ZYG11B: variants seen among roughly 807,000 people sequenced by gnomAD.
The protein encoded by ZYG11B is protein zyg-11 homolog B.
In ZYG11B, 36 loss-of-function variants were observed where a neutral mutation model predicts 82.4. The observed-to-expected ratio is 0.44, with a 90% CI of 0.33 to 0.58. The LOEUF (loss-of-function observed/expected upper bound fraction) is 0.58, where lower values mean the gene tolerates loss of function less well. Ranked by LOEUF, ZYG11B falls within the 20% of genes least tolerant of loss-of-function variation. ZYG11B has a pLI of 0.02. For synonymous variants in ZYG11B, 303 were observed against 312.8 expected, an observed-to-expected ratio of 0.97 and a Z score of 0.33; for missense variants, 552 against 895.6, an observed-to-expected ratio of 0.62 and a Z score of 4.90.
At chr1:52,776,227 A>ATATATATATATAT (rs1553260249) in intron 3 of ZYG11B, among the ~76,000 whole-genome samples, 6 of 2,918 alleles carry the variant, frequency 2.1e-3, no homozygotes, top group Non-Finnish European at 3.0e-3. Flanking sequence ...CTTAAAAAAA[A>ATATATATATATAT]AAATATATAT....
chr1:52,766,387 A>AC (rs1240394010), intron 2 of ZYG11B, among the ~76,000 whole-genome samples: 2 of 147,446 alleles, frequency 1.4e-5, no homozygotes, highest in Non-Finnish European at 3.0e-5. Flanking sequence ...CCAAAGTGCC[A>AC]CCGCGCCTGG....
At chr1:52,812,831 A>ACTCT (rs1645195004) in intron 10 of ZYG11B, among the ~76,000 whole-genome samples, 1 of 150,866 alleles carries the variant, frequency 6.6e-6, no homozygotes, top group Non-Finnish European at 1.5e-5. Flanking sequence ...GGTTTAGGTG[A>ACTCT]CTCTCGTGCC....
chr1:52,816,440 A>G (rs1645224474), intron 12 of ZYG11B, 92 bp from the exon 13 acceptor site: 2 of 833,172 alleles, frequency 2.4e-6, no homozygotes, highest in East Asian at 2.4e-5. Context: ...AATAGGATAA[A>G]ATTTTGAAAA....
At chr1:52,751,112 T>C (rs1356994688) in intron 1 of ZYG11B, among the ~76,000 whole-genome samples, 1 of 152,036 alleles carries the variant, frequency 6.6e-6, no homozygotes, top group Non-Finnish European at 1.5e-5. Context: ...CCTGAGTAAC[T>C]AAGACTACAG....
chr1:52,821,633 C>A lies in ZYG11B; in HGVS notation c.*4C>A. 6.2e-7 allele frequency: 1 copy of A among 1,607,700 alleles called. No homozygotes were observed. The highest frequency in any genetic ancestry group is 8.5e-7 in the Non-Finnish European group (1 of 1,177,426). On this transcript the variant is annotated 3_prime_UTR_variant, in exon 14 of 14. Transcript: ENST00000294353. ...GCCCCAAGCCAGACTAAATTGATAGCCATAAGTATTGGATAGTTGAATCAC... is the reference window on the plus strand; with the variant it reads ...GCCCCAAGCCAGACTAAATTGATAGACATAAGTATTGGATAGTTGAATCAC...
At chr1:52,800,404 GT>G (rs1558138920) in intron 8 of ZYG11B, among the ~76,000 whole-genome samples, 1 of 152,068 alleles carries the variant, frequency 6.6e-6, no homozygotes, top group East Asian at 1.9e-4. Context: ...AGGGGTGACA[GT>G]TTTAAAAAAT....
chr1:52,805,880 C>T (rs534164958), intron 10 of ZYG11B, among the ~76,000 whole-genome samples: 3 of 151,584 alleles, frequency 2.0e-5, no homozygotes, highest in Admixed American at 6.6e-5. Context: ...AAAAAAAAAC[C>T]TATATATTTT....
intron 5 of ZYG11B, among the ~76,000 whole-genome samples, chr1:52,788,559 C>T (rs1644931826): frequency 6.6e-6 from 1 of 152,086 alleles, no homozygotes; most frequent in Non-Finnish European, 1.5e-5. Flanking sequence ...CCAGGAGGAG[C>T]ACTTAGGACA....
chr1:52,777,394 T>C (rs1249582374), intron 3 of ZYG11B, among the ~76,000 whole-genome samples: 2 of 152,166 alleles, frequency 1.3e-5, no homozygotes, highest in African/African-American at 4.8e-5. Flanking sequence ...ATGTCAACCA[T>C]GATACATCCC....
At chr1:52,773,109 A>T (rs927215025) in intron 3 of ZYG11B, among the ~76,000 whole-genome samples, 5 of 152,124 alleles carry the variant, frequency 3.3e-5, no homozygotes, top group African/African-American at 1.2e-4. Context: ...TTTTCCTAAG[A>T]TTTCTCATGC....
At chr1:52,741,555 T>C (rs1248134903) in intron 1 of ZYG11B, among the ~76,000 whole-genome samples, 1 of 152,214 alleles carries the variant, frequency 6.6e-6, no homozygotes, top group East Asian at 1.9e-4. Flanking sequence ...ATTTTAGTTA[T>C]GCTTAACAAT....
At chr1:52,801,697 T>TACCTTTACTTATA (rs1553262574) in intron 8 of ZYG11B, 122 bp from the exon 9 acceptor site, 4 of 754,298 alleles carry the variant, frequency 5.3e-6, no homozygotes, top group Non-Finnish European at 8.3e-6. Context: ...TTGTTATAAG[T>TACCTTTACTTATA]ACCTTTACAG....
chr1:52,735,248 C>T (rs1644369802), intron 1 of ZYG11B, among the ~76,000 whole-genome samples: 4 of 150,754 alleles, frequency 2.7e-5, no homozygotes, highest in South Asian at 4.2e-4. Flanking sequence ...AGGCTGGTAT[C>T]GAACTCCCAA....
In ZYG11B at chr1:52,826,802, C is replaced by CT. The variant is rs2149972460; in HGVS notation, c.*5174dup. 6.6e-6 allele frequency: 1 copy of CT among 152,276 alleles called. No individual in the cohort carries two copies. Among genetic ancestry groups the CT allele is most frequent in the East Asian group, 1.9e-4 (1 of 5,190 alleles). The allele number at this position is 152,276 out of a possible 1,614,324, so 9.4% of individuals were successfully genotyped here. On this transcript the variant is annotated 3_prime_UTR_variant, in exon 14 of 14. Coordinates refer to ENST00000294353, the MANE Select transcript of ZYG11B (RefSeq NM_024646.3). ...AATTATTTTGTGGGAAATCATCAAT[C>CT]TATTTTATTAATGTTATGTGTTTAA... is the stretch of plus-strand genomic sequence containing the variant.
chr1:52,771,865 A>G lies in ZYG11B; in HGVS notation c.951+91A>G. 7.0e-7 allele frequency: 1 copy of G among 1,423,560 alleles called. No homozygotes were observed. The highest frequency in any genetic ancestry group is 9.5e-7 in the Non-Finnish European group (1 of 1,052,288). The allele number at this position is 1,423,560 out of a possible 1,614,324, so 88.2% of individuals were successfully genotyped here. A position where few individuals can be genotyped will look rare whatever the true frequency, so the allele number is the denominator to read the frequency against. On this transcript the variant is annotated intron_variant, in intron 3 of 13. Coordinates refer to ENST00000294353, the MANE Select transcript of ZYG11B (RefSeq NM_024646.3). This position sits in a 1 kb window ranked among gnomAD's most constrained non-coding sequence, Gnocchi z 5.4. ...AAAGATGAATGTCTGTAATATATGGAACATGTTCATGAAACAGGGCTGCAT... is the reference window on the plus strand; with the variant it reads ...AAAGATGAATGTCTGTAATATATGGGACATGTTCATGAAACAGGGCTGCAT...
At chr1:52,786,636 A>G (rs774750099) in intron 5 of ZYG11B, among the ~76,000 whole-genome samples, 1 of 152,078 alleles carries the variant, frequency 6.6e-6, no homozygotes, top group Non-Finnish European at 1.5e-5. Context: ...TGTGGTCCCA[A>G]CTACTCAGGA....
chr1:52,802,190 C>T (rs759208771), intron 10 of ZYG11B, 51 bp downstream of exon 10: 3 of 1,561,348 alleles, frequency 1.9e-6, no homozygotes, highest in Non-Finnish European at 2.6e-6. Context: ...TATTTTCTGT[C>T]TGAAGTAACA....
chr1:52,780,961 G>A (rs1644851354), intron 4 of ZYG11B, among the ~76,000 whole-genome samples: 1 of 152,064 alleles, frequency 6.6e-6, no homozygotes, highest in Non-Finnish European at 1.5e-5. Flanking sequence ...TGGCCAACAT[G>A]GCGAAACCCC....
intron 1 of ZYG11B, among the ~76,000 whole-genome samples, chr1:52,743,601 G>A (rs931412882): frequency 2.0e-5 from 3 of 151,804 alleles, no homozygotes; most frequent in Admixed American, 6.6e-5. Context: ...GTAGTCCCAC[G>A]TATTATTCCA....
Sources: allele counts gnomAD v4.1 joint callset (sites outside exome capture counted in the v4.1 genomes callset), GRCh38; gene constraint gnomAD v4.1.1; non-coding constraint Gnocchi (gnomAD v3.1); transcripts MANE v1.5; gene names NCBI Gene and HGNC (gene_info 2026-07-23, HGNC 2026-07-21).